The following SIK3 variants were observed in gnomAD, a reference collection of about 807,000 sequenced individuals.
SIK3 encodes the protein serine/threonine-protein kinase SIK3.
A neutral mutation model predicts 144.2 loss-of-function variants in SIK3; 28 were observed. The ratio of observed to expected loss-of-function variants is 0.19; its 90% CI spans 0.14 to 0.27. The LOEUF (loss-of-function observed/expected upper bound fraction) is 0.27, where lower values mean the gene tolerates loss of function less well. Among genes scored for constraint, SIK3 ranks in the 10% least tolerant of loss-of-function variants. SIK3 has a pLI of 1.00. For missense variants in SIK3, 1,319 were observed against 1,776.0 expected, an observed-to-expected ratio of 0.74 and a Z score of 4.62; for synonymous variants, 686 against 676.3, an observed-to-expected ratio of 1.01 and a Z score of -0.22.
At chr11:116,947,531 A>ATATATG (rs1555107761) in intron 3 of SIK3, among the ~76,000 whole-genome samples, 1 of 125,044 alleles carries the variant, frequency 8.0e-6, no homozygotes, top group Admixed American at 9.1e-5. Flanking sequence ...ATATATATAT[A>ATATATG]TATGTATGTA....
At chr11:117,088,321 T>G (rs750705107) in intron 1 of SIK3, among the ~76,000 whole-genome samples, 1 of 152,168 alleles carries the variant, frequency 6.6e-6, no homozygotes, top group Non-Finnish European at 1.5e-5. Context: ...ATCTTCCTAA[T>G]AGTAAAAGTT....
In SIK3 at chr11:116,867,117, A is replaced by G. The variant is rs1373271878; in HGVS notation, c.1952+829T>C. ...AATCTGATTGCTTTTCAACCTTCCC[A>G]AGGCTGCTTTTCAGTGTCCTCCCCA... On this transcript the variant is annotated intron_variant, in intron 15 of 24. Transcript: ENST00000445177. This position sits in a 1 kb window ranked among gnomAD's most constrained non-coding sequence, Gnocchi z 4.1. 2.0e-5 allele frequency among the ~76,000 whole-genome samples: 3 copies of G among 152,176 alleles called. No individual in the cohort carries two copies. The highest frequency in any genetic ancestry group is 4.8e-5 in the African/African-American group (2 of 41,448).
At chr11:116,848,978 A>AT in intron 22 of SIK3, 142 bp downstream of exon 22, 1 of 989,020 alleles carries the variant, frequency 1.0e-6, no homozygotes, top group Non-Finnish European at 1.4e-6. Context: ...AGAAAAAAAA[A>AT]GAAATGCTCC....
chr11:117,013,698 A>T (rs1424859201), intron 1 of SIK3, among the ~76,000 whole-genome samples: 1 of 148,278 alleles, frequency 6.7e-6, no homozygotes, highest in Middle Eastern at 3.5e-3. Flanking sequence ...TTTTAGCTTT[A>T]AAAAAAAAAT....
At chr11:117,075,164 A>C (rs996887370) in intron 1 of SIK3, among the ~76,000 whole-genome samples, 4 of 152,224 alleles carry the variant, frequency 2.6e-5, no homozygotes, top group Admixed American at 2.6e-4. Flanking sequence ...AGATAATATC[A>C]ACTGCCCCTG....
intron 1 of SIK3, among the ~76,000 whole-genome samples, chr11:117,025,239 A>AGTTT (rs1951960094): frequency 6.6e-6 from 1 of 152,208 alleles, no homozygotes; most frequent in East Asian, 1.9e-4. Flanking sequence ...TAGCTTGAAA[A>AGTTT]AAATCACTGA....
intron 1 of SIK3, among the ~76,000 whole-genome samples, chr11:117,044,847 C>T (rs777993701): frequency 6.6e-6 from 1 of 152,132 alleles, no homozygotes; most frequent in Non-Finnish European, 1.5e-5. Context: ...TGCGTCACTG[C>T]ACTCCAGCCT....
At chr11:116,966,861 C>G (rs1949567020) in intron 1 of SIK3, among the ~76,000 whole-genome samples, 1 of 151,464 alleles carries the variant, frequency 6.6e-6, no homozygotes, top group Non-Finnish European at 1.5e-5. Flanking sequence ...AAAAATTAGC[C>G]AAGCATGGTG....
At position 116,885,390 on chromosome 11, in the gene SIK3, C is replaced by A. The variant is rs367735992; in HGVS notation, c.866-8348G>T. On this transcript the variant is annotated intron_variant, in intron 6 of 24. Transcript: ENST00000445177. ...CCTATTTCTTGAACTTCCTTACTTT[C>A]GATCAGTTTTTCTAGGTGGGCATGA... 1.6e-4 allele frequency among the ~76,000 whole-genome samples: 24 copies of A among 152,172 alleles called. No homozygotes were observed. In the East Asian group the frequency reaches 2.7e-3, roughly 17 times the overall value.
intron 1 of SIK3, among the ~76,000 whole-genome samples, chr11:116,965,005 T>G (rs1949476459): frequency 6.6e-6 from 1 of 152,206 alleles, no homozygotes; most frequent in African/African-American, 2.4e-5. Context: ...AAATAGTTCA[T>G]GCATTTCCAA....
At chr11:117,068,783 C>A (rs1015892219) in intron 1 of SIK3, among the ~76,000 whole-genome samples, 2 of 152,314 alleles carry the variant, frequency 1.3e-5, no homozygotes, top group African/African-American at 4.8e-5. Context: ...ATTCCTAACC[C>A]AAAATGTTCT....
In SIK3 at chr11:116,957,014, C is replaced by G. The variant is rs1281774384; in HGVS notation, c.324G>C (p.Lys108Asn). ...DKTQLDEENL[K>N]KIFREVQIMK... ...TAATTTGAACTTCCCGGAAAATCTTCTTCAAGTTTTCTTCATCCAGCTGGG... is the reference window on the plus strand; with the variant it reads ...TAATTTGAACTTCCCGGAAAATCTTGTTCAAGTTTTCTTCATCCAGCTGGG... Residue 108 changes from lysine to asparagine, a missense_variant, in exon 2 of 25, where the codon AAG becomes AAC. Physicochemically the swap from Lys to Asn is moderately conservative, Grantham distance 94. Around this residue, in one of 8 missense-constraint regions of SIK3, gnomAD observed 125 missense variants for 285.2 expected, o/e 0.44. Coordinates refer to ENST00000445177, the MANE Select transcript of SIK3 (RefSeq NM_001366686.3). The G allele has an allele frequency of 2.5e-5, 40 of 1,611,230 alleles. No individual in the cohort carries two copies. Among genetic ancestry groups the G allele is most frequent in the Non-Finnish European group, 3.4e-5 (40 of 1,179,252 alleles).
At chr11:117,057,396 C>T (rs4938329) in intron 1 of SIK3, among the ~76,000 whole-genome samples, 56,687 of 151,964 alleles carry the variant, frequency 0.37, 12,920 homozygotes, top group African/African-American at 0.65. Context: ...ATTCTTTTAA[C>T]CAAGGGAGTT....
chr11:117,007,909 C>T (rs1385487160), intron 1 of SIK3, among the ~76,000 whole-genome samples: 1 of 151,638 alleles, frequency 6.6e-6, no homozygotes, highest in Non-Finnish European at 1.5e-5. Context: ...CATGGTGAAA[C>T]CCCATCTCTA....
At chr11:116,894,470 A>G (rs890865309) in intron 6 of SIK3, among the ~76,000 whole-genome samples, 1 of 152,200 alleles carries the variant, frequency 6.6e-6, no homozygotes, top group Non-Finnish European at 1.5e-5. Flanking sequence ...AGTCATCCCC[A>G]TCTCAGTTGG....
At chr11:116,974,974 C>CT (rs1441490130) in intron 1 of SIK3, among the ~76,000 whole-genome samples, 2 of 152,172 alleles carry the variant, frequency 1.3e-5, no homozygotes, top group Admixed American at 1.3e-4. Flanking sequence ...CTCCTCTTCC[C>CT]TAGACTATTT....
chr11:116,972,828 A>G (rs1442038069), intron 1 of SIK3, among the ~76,000 whole-genome samples: 1 of 152,104 alleles, frequency 6.6e-6, no homozygotes, highest in Non-Finnish European at 1.5e-5. Flanking sequence ...ACACATAATG[A>G]CAGACCTATT....
intron 6 of SIK3, 82 bp from the exon 7 acceptor site, chr11:116,877,124 A>G: frequency 1.7e-6 from 2 of 1,179,790 alleles, no homozygotes; most frequent in Non-Finnish European, 2.5e-6. Flanking sequence ...CAAAGCCAGC[A>G]GGGAGGCTAT....
intron 6 of SIK3, among the ~76,000 whole-genome samples, chr11:116,890,166 G>A (rs911829485): frequency 3.9e-5 from 6 of 152,196 alleles, no homozygotes; most frequent in Non-Finnish European, 8.8e-5. Flanking sequence ...TAGGAGGTGA[G>A]GAGACAATAA....
Sources: gnomAD v4.1 joint callset for allele counts (sites outside exome capture counted in the v4.1 genomes callset) on GRCh38, gnomAD v4.1.1 for gene constraint, gnomAD v4.1.1 regional missense constraint, Gnocchi (gnomAD v3.1) non-coding constraint, MANE v1.5 for transcripts, NCBI Gene and HGNC (gene_info 2026-07-23, HGNC 2026-07-21) for gene names.